The following FAM216A variants were observed in gnomAD, a reference collection of about 807,000 sequenced individuals.
The protein encoded by FAM216A is family with sequence similarity 216 member A, also known as protein FAM216A.
A neutral mutation model predicts 37.6 loss-of-function variants in FAM216A; 26 were observed. The ratio of observed to expected loss-of-function variants is 0.69; its 90% CI spans 0.51 to 0.96. The LOEUF (loss-of-function observed/expected upper bound fraction) is 0.96. Ranked by LOEUF, FAM216A falls within the 40% of genes least tolerant of loss-of-function variation. FAM216A has a pLI of 0.00. For synonymous variants in FAM216A, 110 were observed against 121.7 expected, an observed-to-expected ratio of 0.90 and a Z score of 0.64; for missense variants, 326 against 339.3, an observed-to-expected ratio of 0.96 and a Z score of 0.31.
At chr12:110,472,339 T>A (rs376888238) in intron 1 of FAM216A, among the ~76,000 whole-genome samples, 1 of 152,022 alleles carries the variant, frequency 6.6e-6, no homozygotes, top group African/African-American at 2.4e-5. Flanking sequence ...GAGCCCCAAC[T>A]ACTTTATTGA....
intron 1 of FAM216A, among the ~76,000 whole-genome samples, chr12:110,470,999 AATC>A (rs1292082274): frequency 1.3e-5 from 2 of 152,164 alleles, no homozygotes; most frequent in African/African-American, 2.4e-5. Flanking sequence ...GGGTCTTAAA[AATC>A]ATCAATTCCG....
intron 6 of FAM216A, among the ~76,000 whole-genome samples, chr12:110,488,410 CAAAAA>C (rs572459416): frequency 3.9e-5 from 2 of 51,018 alleles, no homozygotes; most frequent in Non-Finnish European, 8.2e-5. Context: ...GACTCCATCT[CAAAAA>C]AAAAAAAAAA....
Position 110,486,439 on chromosome 12 carries a change from A to G in FAM216A, c.421A>G (p.Ser141Gly). 6.2e-7 allele frequency: 1 copy of G among 1,611,460 alleles called. No homozygotes were observed. The highest frequency in any genetic ancestry group is 8.5e-7 in the Non-Finnish European group (1 of 1,178,254). Residue 141 changes from serine (S) to glycine (G), a missense_variant, in exon 4 of 7, where the codon AGC becomes GGC. Ser to Gly is a moderately conservative substitution (Grantham distance 56, BLOSUM62 0). Transcript: ENST00000377673. ...GCAGTACATGCACGTACTTCAGCACAGCTCACAAAAGCCAGGCAGGTGCAC... is the reference window on the plus strand; with the variant it reads ...GCAGTACATGCACGTACTTCAGCACGGCTCACAAAAGCCAGGCAGGTGCAC... ...KRQYMHVLQH[S>G]SQKPGVLTHH... is the part of the protein sequence containing the mutation.
chr12:110,471,115 G>C (rs1039187047), intron 1 of FAM216A, among the ~76,000 whole-genome samples: 1 of 151,306 alleles, frequency 6.6e-6, no homozygotes, highest in African/African-American at 2.4e-5. Flanking sequence ...TTTTTTTTGA[G>C]ATGGAGTCTC....
At position 110,473,080 on chromosome 12, in the gene FAM216A, C is replaced by T; in HGVS notation, c.146C>T (p.Ser49Leu). ...VAGTEGGGGG[S>L]AGYSCYQNSK... ...TATATGCTTTATTTTTTCAACAGAT[C>T]AGCTGGATACTCTTGTTACCAGAAT... The change falls in exon 2 of 7, where the codon TCA becomes TTA. Residue 49 changes from serine to leucine, a missense_variant and splice_region_variant. Physicochemically the swap from Ser to Leu is moderately radical, Grantham distance 145. Coordinates refer to ENST00000377673, the MANE Select transcript of FAM216A (RefSeq NM_013300.3). 6.5e-7 allele frequency: 1 copy of T among 1,539,912 alleles called. No individual in the cohort carries two copies.
At chr12:110,484,806 G>A (rs2062767351) in intron 2 of FAM216A, among the ~76,000 whole-genome samples, 1 of 150,982 alleles carries the variant, frequency 6.6e-6, no homozygotes, top group African/African-American at 2.4e-5. Context: ...AGGCTGGACT[G>A]CAGTGGCGCT....
intron 5 of FAM216A, chr12:110,487,098 C>A (rs1347898706): frequency 1.2e-5 from 2 of 162,238 alleles, no homozygotes; most frequent in Non-Finnish European, 2.7e-5. Flanking sequence ...ATTCACTTTG[C>A]TAAATTCAGA....
At chr12:110,489,667 G>T (rs913391306) in intron 6 of FAM216A, among the ~76,000 whole-genome samples, 2 of 152,110 alleles carry the variant, frequency 1.3e-5, no homozygotes, top group Non-Finnish European at 1.5e-5. Flanking sequence ...GTAGGGGGGG[G>T]AGTCCCTGTG....
chr12:110,475,169 G>T (rs1453438437), intron 2 of FAM216A, among the ~76,000 whole-genome samples: 1 of 152,146 alleles, frequency 6.6e-6, no homozygotes, highest in Non-Finnish European at 1.5e-5. Flanking sequence ...TTCCTCTATA[G>T]TTGAACTTAA....
At chr12:110,486,754 CAGTTTA>C in intron 5 of FAM216A, 37 bp downstream of exon 5, 1 of 1,562,332 alleles carries the variant, frequency 6.4e-7, no homozygotes, top group East Asian at 2.2e-5. Flanking sequence ...AAATGCATCT[CAGTTTA>C]ATTTTTTTTT....
In FAM216A at chr12:110,472,187, C is replaced by T. The variant is rs1242135140; in HGVS notation, c.144-891C>T. On this transcript the variant is annotated intron_variant, in intron 1 of 6. Transcript: ENST00000377673. The stretch of plus-strand genomic sequence containing the variant: ...CGGAGGTTGCAGTGAACGGAGATCA[C>T]GCCATTGCACTCCAGCCTGGGCAAC... 9.9e-5 allele frequency among the ~76,000 whole-genome samples: 15 copies of T among 151,186 alleles called. No individual in the cohort carries two copies. In the East Asian group the frequency reaches 1.9e-3, roughly 20 times the overall value.
chr12:110,478,853 G>A (rs2062729948), intron 2 of FAM216A, among the ~76,000 whole-genome samples: 1 of 152,046 alleles, frequency 6.6e-6, no homozygotes, highest in African/African-American at 2.4e-5. Flanking sequence ...TGTTGTTATG[G>A]CAGCAAAATG....
chr12:110,473,212 C>A, intron 2 of FAM216A, 94 bp downstream of exon 2: 3 of 605,822 alleles, frequency 5.0e-6, no homozygotes, highest in Admixed American at 3.3e-5. Context: ...GAGTTTTTTT[C>A]TTTTTTCTTT....
intron 2 of FAM216A, among the ~76,000 whole-genome samples, chr12:110,484,531 C>T (rs115952605): frequency 0.022 from 3,218 of 147,956 alleles, 106 homozygotes; most frequent in African/African-American, 0.075. Context: ...TATATTTTCT[C>T]TTTGGTATGT....
chr12:110,478,413 G>A (rs1207108650), intron 2 of FAM216A, among the ~76,000 whole-genome samples: 3 of 152,066 alleles, frequency 2.0e-5, no homozygotes, highest in African/African-American at 7.2e-5. Context: ...ATGTTACATG[G>A]CAGGAGCAAT....
upstream of FAM216A, chr12:110,468,649 C>T (rs1478593731): frequency 1.3e-6 from 2 of 1,537,168 alleles, no homozygotes; most frequent in African/African-American, 1.4e-5. Flanking sequence ...ATATTTCCCT[C>T]CTGTGACGCA....
chr12:110,485,283 G>A, intron 3 of FAM216A, 84 bp downstream of exon 3: 1 of 1,240,550 alleles, frequency 8.1e-7, no homozygotes, highest in African/African-American at 1.5e-5. Context: ...TGCTTAGAGG[G>A]TGAGATACTG....
rs190431573 is a variant in FAM216A, at chr12:110,486,427, G to A, written c.409G>A (p.Val137Ile). 8.1e-5 allele frequency: 130 copies of A among 1,613,786 alleles called. 1 individual carries two copies. In the Admixed American group the frequency reaches 1.8e-3, roughly 23 times the overall value. Residue 137 changes from valine (V) to isoleucine (I), a missense_variant, in exon 4 of 7, where the codon GTA (valine) becomes ATA (isoleucine). Coordinates refer to ENST00000377673, the MANE Select transcript of FAM216A (RefSeq NM_013300.3). ...GTTAATGAAGAGGCAGTACATGCAC[G>A]TACTTCAGCACAGCTCACAAAAGCC... ...KMLMKRQYMH[V>I]LQHSSQKPGV...
chr12:110,482,674 A>G (rs529598519), intron 2 of FAM216A, among the ~76,000 whole-genome samples: 2 of 151,510 alleles, frequency 1.3e-5, no homozygotes, highest in Non-Finnish European at 2.9e-5. Context: ...GGGCGCCTGT[A>G]GTCCCAGCTA....
Sources: gnomAD v4.1 joint callset for allele counts (sites outside exome capture counted in the v4.1 genomes callset) on GRCh38, gnomAD v4.1.1 for gene constraint, MANE v1.5 for transcripts, NCBI Gene and HGNC (gene_info 2026-07-23, HGNC 2026-07-21) for gene names.